Variants in STAG1 observed in about 807,000 individuals in gnomAD.
The protein encoded by STAG1 is STAG1 cohesin complex component, also known as cohesin subunit SA-1.
A neutral mutation model predicts 170.9 loss-of-function variants in STAG1; 26 were observed. The observed-to-expected ratio is 0.15, with a 90% CI of 0.11 to 0.21. STAG1 has a LOEUF of 0.21. STAG1 is among the 10% of genes least tolerant of loss of function. The probability of loss-of-function intolerance (pLI) is 1.00; values close to 1 mark genes in which losing one functional copy is unlikely to be tolerated. For synonymous variants in STAG1, 514 were observed against 497.7 expected (o/e 1.03, Z -0.44); for missense variants, 964 against 1,509.5 (o/e 0.64, Z 5.99).
chr3:136,652,985 G>A (rs1941265832), intron 1 of STAG1, among the ~76,000 whole-genome samples: 1 of 152,072 alleles, frequency 6.6e-6, no homozygotes, highest in Non-Finnish European at 1.5e-5. Context: ...CCCTAGTTAA[G>A]AACTAGCAGC....
chr3:136,547,581 G>T (rs1040480514), intron 5 of STAG1, among the ~76,000 whole-genome samples: 1 of 152,130 alleles, frequency 6.6e-6, no homozygotes, highest in African/African-American at 2.4e-5. Context: ...GCAGTTATTT[G>T]ATTGATTTCT....
intron 29 of STAG1, among the ~76,000 whole-genome samples, 161 bp from the exon 30 acceptor site, chr3:136,344,167 T>C (rs1936120174): frequency 6.6e-6 from 1 of 152,206 alleles, no homozygotes; most frequent in Non-Finnish European, 1.5e-5. Context: ...GTCATTAAAC[T>C]TCCAAAGTTG....
At chr3:136,464,206 C>G (rs1031523960) in intron 13 of STAG1, among the ~76,000 whole-genome samples, 25 of 151,692 alleles carry the variant, frequency 1.6e-4, no homozygotes, top group Admixed American at 1.3e-4. Flanking sequence ...GGCGGATTAC[C>G]TGAGGTCGGG....
intron 5 of STAG1, among the ~76,000 whole-genome samples, chr3:136,562,115 C>T (rs1175306428): frequency 1.3e-5 from 2 of 152,234 alleles, no homozygotes; most frequent in Non-Finnish European, 2.9e-5. Flanking sequence ...ACAATTGATA[C>T]TACATGTATG....
At chr3:136,459,012 G>A (rs189277025) in intron 13 of STAG1, among the ~76,000 whole-genome samples, 1 of 152,274 alleles carries the variant, frequency 6.6e-6, no homozygotes, top group South Asian at 2.1e-4. Flanking sequence ...AAGGTCAAGA[G>A]ATGGAGACCA....
At chr3:136,529,010 C>T (rs1465830701) in intron 6 of STAG1, among the ~76,000 whole-genome samples, 2 of 151,692 alleles carry the variant, frequency 1.3e-5, no homozygotes. Context: ...CTGAATAATT[C>T]ATTGAATAAA....
chr3:136,636,567 A>T (rs1328917507), intron 1 of STAG1, among the ~76,000 whole-genome samples: 1 of 152,232 alleles, frequency 6.6e-6, no homozygotes, highest in Non-Finnish European at 1.5e-5. Flanking sequence ...AACGTCAACC[A>T]TGGGTTCTTG....
At chr3:136,660,271 T>G (rs931482802) in intron 1 of STAG1, among the ~76,000 whole-genome samples, 3 of 152,228 alleles carry the variant, frequency 2.0e-5, no homozygotes, top group Non-Finnish European at 4.4e-5. Flanking sequence ...TTCCACAGTG[T>G]GCAATTCTGC....
intron 1 of STAG1, among the ~76,000 whole-genome samples, chr3:136,735,225 A>G (rs1294162744): frequency 6.6e-6 from 1 of 151,516 alleles, no homozygotes; most frequent in Non-Finnish European, 1.5e-5. Flanking sequence ...TCCTGGGTTC[A>G]AGCCATCCTC....
intron 1 of STAG1, among the ~76,000 whole-genome samples, chr3:136,723,828 A>AG (rs1933476266): frequency 9.0e-6 from 1 of 110,742 alleles, no homozygotes; most frequent in Non-Finnish European, 1.9e-5. Context: ...TCCGGGAGGG[A>AG]GGTGGGGGGG....
At chr3:136,587,690 CA>C (rs1291343351) in intron 4 of STAG1, among the ~76,000 whole-genome samples, 1 of 152,142 alleles carries the variant, frequency 6.6e-6, no homozygotes, top group Non-Finnish European at 1.5e-5. Flanking sequence ...CATGGTGGCT[CA>C]TGTCTGTAAC....
intron 7 of STAG1, chr3:136,518,290 G>A (rs1934485693): frequency 6.2e-6 from 4 of 641,024 alleles, no homozygotes; most frequent in Admixed American, 4.9e-5. Flanking sequence ...CAATGTCAAG[G>A]AGCATTTTAT....
At chr3:136,656,156 C>CA (rs373941681) in intron 1 of STAG1, among the ~76,000 whole-genome samples, 1 of 144,976 alleles carries the variant, frequency 6.9e-6, no homozygotes, top group African/African-American at 2.6e-5. Flanking sequence ...TAGCGAGTCG[C>CA]AAAAAAATAA....
rs1196361380 is a variant in STAG1, at chr3:136,369,195, T to A, written c.2458A>T (p.Asn820Tyr). 1 of 1,606,160 alleles carries A rather than the reference T, an allele frequency of 6.2e-7. No homozygotes were observed. The highest frequency in any genetic ancestry group is 8.5e-7 in the Non-Finnish European group (1 of 1,178,100). Residue 820 changes from asparagine (N) to tyrosine (Y), a missense_variant, in exon 24 of 34, where the codon AAT becomes TAT. Physicochemically the swap from Asn to Tyr is moderately radical, Grantham distance 143. Around this residue, in one of 11 missense-constraint regions of STAG1, gnomAD observed 149 missense variants for 301.3 expected, o/e 0.49. Coordinates refer to ENST00000383202, the MANE Select transcript of STAG1 (RefSeq NM_005862.3). The stretch of plus-strand genomic sequence containing the variant: ...TCAGATTGGAGTCCAGTATCTGGAT[T>A]GAACACCAAAGGCTGAAGGCCCTCT... The part of the protein sequence containing the change: ...GREGLQPLVF[N>Y]PDTGLQSELL...
intron 29 of STAG1, among the ~76,000 whole-genome samples, chr3:136,346,724 T>C (rs1355870994): frequency 1.3e-5 from 2 of 152,354 alleles, no homozygotes; most frequent in East Asian, 3.9e-4. Context: ...GTCAAATAAA[T>C]GATTAAATGA....
chr3:136,720,195 AT>A (rs1480141670), intron 1 of STAG1, among the ~76,000 whole-genome samples: 1 of 151,072 alleles, frequency 6.6e-6, no homozygotes, highest in Non-Finnish European at 1.5e-5. Context: ...AAAAAAAAAA[AT>A]CTTAAGTGAA....
intron 25 of STAG1, among the ~76,000 whole-genome samples, chr3:136,365,391 T>C (rs1224139258): frequency 2.6e-5 from 4 of 152,188 alleles, no homozygotes. Flanking sequence ...GTGGAGATTA[T>C]GGAAACTTTG....
intron 23 of STAG1, among the ~76,000 whole-genome samples, chr3:136,374,358 T>C (rs1044444383): frequency 2.0e-5 from 3 of 152,160 alleles, no homozygotes; most frequent in Non-Finnish European, 4.4e-5. Flanking sequence ...TGGCTCACAG[T>C]TGTAATCCTA....
intron 16 of STAG1, among the ~76,000 whole-genome samples, chr3:136,428,533 T>C (rs745619200): frequency 6.6e-6 from 1 of 152,124 alleles, no homozygotes; most frequent in Non-Finnish European, 1.5e-5. Flanking sequence ...CAGGGGTCCA[T>C]AGAACCCTTA....
Sources: allele counts gnomAD v4.1 joint callset (sites outside exome capture counted in the v4.1 genomes callset), GRCh38; gene constraint gnomAD v4.1.1; regional missense constraint gnomAD v4.1.1; transcripts MANE v1.5; gene names NCBI Gene and HGNC (gene_info 2026-07-23, HGNC 2026-07-21).